The following KANK1 variants were observed in gnomAD, a reference collection of about 807,000 sequenced individuals.
KANK1 encodes the protein KN motif and ankyrin repeat domain-containing protein 1.
In KANK1, 109 loss-of-function variants were observed where a neutral mutation model predicts 106.2. The observed-to-expected ratio is 1.03, with a 90% CI of 0.88 to 1.20. KANK1 has a LOEUF of 1.20. KANK1 is among the 50% of genes most tolerant of loss of function. The pLI is 0.00. For synonymous variants in KANK1, 873 were observed against 652.2 expected, an observed-to-expected ratio of 1.34 and a Z score of -5.16; for missense variants, 2,399 against 1,710.7, an observed-to-expected ratio of 1.40 and a Z score of -7.10.
At chr9:695,543 T>A (rs1404787656) in intron 2 of KANK1, among the ~76,000 whole-genome samples, 1 of 151,650 alleles carries the variant, frequency 6.6e-6, no homozygotes, top group African/African-American at 2.4e-5. Context: ...AATGTAGAAC[T>A]CAAGATTTTA....
intron 1 of KANK1, among the ~76,000 whole-genome samples, chr9:599,828 C>T (rs768354370): frequency 6.6e-6 from 1 of 151,830 alleles, no homozygotes; most frequent in Non-Finnish European, 1.5e-5. Context: ...TATTTGCAGG[C>T]AGTCATGGAA....
At position 664,453 on chromosome 9, in the gene KANK1, C is replaced by G. The variant is rs1321814407; in HGVS notation, c.-83-12437C>G. Among the ~76,000 whole-genome samples the G allele has an allele frequency of 2.6e-5, 4 of 152,086 alleles. 1 individual carries two copies. The highest frequency in any genetic ancestry group is 9.7e-5 in the African/African-American group (4 of 41,380). On this transcript the variant is annotated intron_variant, in intron 1 of 11. Coordinates refer to ENST00000382297, the MANE Select transcript of KANK1 (RefSeq NM_015158.5). ...CTATTGTGTATTTTTACCACACTTTCTTTTTAAATATTTATTATTATTTTG... is the reference window on the plus strand; with the variant it reads ...CTATTGTGTATTTTTACCACACTTTGTTTTTAAATATTTATTATTATTTTG...
chr9:485,579 A>G (rs796290281), intron 3 of KANK1, among the ~76,000 whole-genome samples: 1 of 152,220 alleles, frequency 6.6e-6, no homozygotes, highest in Non-Finnish European at 1.5e-5. Flanking sequence ...AAAACTGCTT[A>G]GTAAAGAGAT....
At chr9:650,981 C>G (rs912642588) in intron 1 of KANK1, among the ~76,000 whole-genome samples, 4 of 152,122 alleles carry the variant, frequency 2.6e-5, no homozygotes, top group South Asian at 2.1e-4. Flanking sequence ...TGTTATGTGC[C>G]TTCTCTTTCC....
chr9:703,819 C>A (rs1036781132), intron 2 of KANK1, among the ~76,000 whole-genome samples: 1 of 151,926 alleles, frequency 6.6e-6, no homozygotes, highest in Non-Finnish European at 1.5e-5. Context: ...TCAAGCAATT[C>A]CCCTGCCTCA....
At chr9:650,639 C>A (rs1310349440) in intron 1 of KANK1, among the ~76,000 whole-genome samples, 1 of 152,078 alleles carries the variant, frequency 6.6e-6, no homozygotes, top group Non-Finnish European at 1.5e-5. Context: ...GTGGCACACA[C>A]CAGACCCTCA....
rs191122961 is a variant in KANK1, at chr9:524,413, C to A, written c.-84+19659C>A. Among the ~76,000 whole-genome samples, 439 of 151,670 alleles carry A rather than the reference C, an allele frequency of 2.9e-3. 5 individuals carry two copies. The highest frequency in any genetic ancestry group is 6.8e-3 in the Middle Eastern group (2 of 294). On this transcript the variant is annotated intron_variant, in intron 1 of 11. Transcript: ENST00000382297. Reference sequence around the variant, plus strand: ...AGTCAATCTTCAAAGGAAGAGAATTCATTTATTACAGAGATTTGTTTATCT... The same window carrying A: ...AGTCAATCTTCAAAGGAAGAGAATTAATTTATTACAGAGATTTGTTTATCT...
intron 3 of KANK1, among the ~76,000 whole-genome samples, chr9:714,309 C>T (rs926008654): frequency 6.6e-5 from 10 of 150,540 alleles, no homozygotes; most frequent in Non-Finnish European, 1.2e-4. Flanking sequence ...AGGGTGAGGG[C>T]TGTTTGAGAT....
At chr9:548,715 GAATTT>G (rs952453806) in intron 1 of KANK1, among the ~76,000 whole-genome samples, 5 of 152,142 alleles carry the variant, frequency 3.3e-5, no homozygotes, top group African/African-American at 1.2e-4. Context: ...TCTGGGAATT[GAATTT>G]AATTAAAATT....
In KANK1 at chr9:745,935, G is replaced by GTGTT. The variant is rs1465340480; in HGVS notation, c.*701_*704dup. The GTGTT allele has an allele frequency of 6.6e-6, 1 of 152,664 alleles. No homozygotes were observed. The highest frequency in any genetic ancestry group is 2.1e-4 in the South Asian group (1 of 4,834). The allele number at this position is 152,664 out of a possible 1,614,324, so 9.5% of individuals were successfully genotyped here. A position where few individuals can be genotyped will look rare whatever the true frequency, so the allele number is the denominator to read the frequency against. On this transcript the variant is annotated 3_prime_UTR_variant, in exon 12 of 12. Transcript: ENST00000382297. ...CAACTCCAATGCTAAAGGTTGGATT[G>GTGTT]TGTTAGAGGAATCGGCTCTGTATTT...
At chr9:541,371 C>T (rs1332918501) in intron 1 of KANK1, among the ~76,000 whole-genome samples, 1 of 152,084 alleles carries the variant, frequency 6.6e-6, no homozygotes, top group African/African-American at 2.4e-5. Flanking sequence ...ACTGGGCATC[C>T]ACATACAGAA....
intron 1 of KANK1, among the ~76,000 whole-genome samples, chr9:586,359 AGGCT>A (rs1244994976): frequency 6.6e-6 from 1 of 152,202 alleles, no homozygotes; most frequent in African/African-American, 2.4e-5. Context: ...GAGAGTGGAT[AGGCT>A]GTGATCTGCA....
chr9:590,816 C>G lies in KANK1; in HGVS notation c.-84+86062C>G, dbSNP rs554256565. 2.4e-4 allele frequency among the ~76,000 whole-genome samples: 36 copies of G among 151,956 alleles called. 1 individual carries two copies. The highest frequency in any genetic ancestry group is 7.0e-4 in the African/African-American group (29 of 41,236). On this transcript the variant is annotated intron_variant, in intron 1 of 11. Coordinates refer to ENST00000382297, the MANE Select transcript of KANK1 (RefSeq NM_015158.5). Reference sequence around the variant, plus strand: ...GTATTTTAACAAATCTCACTTTGGACATATGCATTAATGTACATTCTTCTA... The same window carrying G: ...GTATTTTAACAAATCTCACTTTGGAGATATGCATTAATGTACATTCTTCTA...
chr9:740,243 C>T (rs529760162), intron 8 of KANK1, among the ~76,000 whole-genome samples: 323 of 152,278 alleles, frequency 2.1e-3, no homozygotes, highest in African/African-American at 7.3e-3. Context: ...CATTTGTTCT[C>T]GACCATAAAT....
chr9:555,877 T>A (rs1386353071), intron 1 of KANK1, among the ~76,000 whole-genome samples: 1 of 152,218 alleles, frequency 6.6e-6, no homozygotes, highest in Non-Finnish European at 1.5e-5. Flanking sequence ...CCCTTCTGTT[T>A]AAATAAAAAC....
chr9:584,765 G>A (rs111883482), intron 1 of KANK1, among the ~76,000 whole-genome samples: 4 of 152,214 alleles, frequency 2.6e-5, no homozygotes, highest in Admixed American at 6.5e-5. Context: ...TTTCAGGCTC[G>A]CTGCACATGG....
chr9:492,587 T>C (rs1283655459), intron 3 of KANK1, among the ~76,000 whole-genome samples: 1 of 152,172 alleles, frequency 6.6e-6, no homozygotes, highest in Non-Finnish European at 1.5e-5. Flanking sequence ...GTGATTGGCA[T>C]ATAGAAAGTA....
At chr9:710,615 CAAAA>C (rs1222306010) in intron 2 of KANK1, among the ~76,000 whole-genome samples, 185 bp from the exon 3 acceptor site, 3 of 36,056 alleles carry the variant, frequency 8.3e-5, no homozygotes, top group African/African-American at 4.9e-4. Context: ...TGACCTGTCT[CAAAA>C]AAAAAAAAAA....
chr9:698,027 C>G (rs964815211), intron 2 of KANK1, among the ~76,000 whole-genome samples: 1 of 152,292 alleles, frequency 6.6e-6, no homozygotes, highest in South Asian at 2.1e-4. Context: ...CAGAGACCAT[C>G]TGGTGGGTGG....
Sources: gnomAD v4.1 joint callset for allele counts (sites outside exome capture counted in the v4.1 genomes callset) on GRCh38, gnomAD v4.1.1 for gene constraint, MANE v1.5 for transcripts, NCBI Gene and HGNC (gene_info 2026-07-23, HGNC 2026-07-21) for gene names.